LIMK1: variants seen among roughly 807,000 people sequenced by gnomAD.
LIMK1 encodes the protein LIM motif-containing protein kinase.
LIMK1 carries 21 observed loss-of-function variants against 77.6 expected under a neutral mutation model. That is an observed-to-expected ratio of 0.27 (90% CI 0.19 to 0.39). The LOEUF is 0.39. Among genes scored for constraint, LIMK1 ranks in the 10% least tolerant of loss-of-function variants. The pLI, the probability that LIMK1 is intolerant of heterozygous loss-of-function variation, is 1.00. For synonymous variants in LIMK1, 358 were observed against 370.0 expected (o/e 0.97, Z 0.37); for missense variants, 696 against 901.6 (o/e 0.77, Z 2.92).
chr7:74,112,038 A>G (rs1437121734), intron 12 of LIMK1, 40 bp downstream of exon 12: 9 of 1,500,160 alleles, frequency 6.0e-6, no homozygotes, highest in Non-Finnish European at 7.3e-6. Context: ...GTCAGGAGAC[A>G]GCAGGAGCCC....
At chr7:74,096,904 T>C in intron 3 of LIMK1, 144 bp downstream of exon 3, 1 of 1,198,572 alleles carries the variant, frequency 8.3e-7, no homozygotes, top group Non-Finnish European at 1.2e-6. Flanking sequence ...ACTGTCTGTC[T>C]GTATCCCTCA....
intron 12 of LIMK1, among the ~76,000 whole-genome samples, chr7:74,114,914 C>T (rs1423037742): frequency 5.7e-5 from 4 of 69,894 alleles, no homozygotes; most frequent in African/African-American, 2.2e-4. Flanking sequence ...GACTCCAACT[C>T]AAAAAAAAAA....
rs1457934021 is a variant in LIMK1 at position 74,101,731 on chromosome 7, C to T, written c.608+2493C>T. Among the ~76,000 whole-genome samples, 6 of 152,080 alleles carry T rather than the reference C, an allele frequency of 3.9e-5. 1 individual carries two copies. The highest frequency in any genetic ancestry group is 1.4e-4 in the African/African-American group (6 of 41,460). On this transcript the variant is annotated intron_variant, in intron 5 of 15. Coordinates refer to ENST00000336180, the MANE Select transcript of LIMK1 (RefSeq NM_002314.4). ...GCGTTTTAAGGAAGGTCTAATTTAT[C>T]CAGGCCACCTGCTGCTTTAGCAAAC... is the stretch of plus-strand genomic sequence containing the variant.
intron 5 of LIMK1, among the ~76,000 whole-genome samples, chr7:74,103,459 T>C (rs1238517337): frequency 2.6e-5 from 4 of 152,196 alleles, no homozygotes; most frequent in Non-Finnish European, 5.9e-5. Context: ...TGATACTGCA[T>C]AAGTGATCCT....
rs782776451 is a variant in LIMK1, at chr7:74,121,275, C to G, written c.1918C>G (p.Pro640Ala). The change falls in exon 16 of 16, where the codon CCT becomes GCT. Residue 640 changes from proline to alanine, a missense_variant. Transcript: ENST00000336180. ...CTACCGGCGCGGCGAGAGCGGACTG[C>G]CTGCCCACCCTGAGGTCCCCGACTG... Reference protein sequence around the residue: ...ETYRRGESGLPAHPEVPD With the variant: ...ETYRRGESGLAAHPEVPD The G allele has an allele frequency of 1.9e-6, 3 of 1,606,828 alleles. No homozygotes were observed. The highest frequency in any genetic ancestry group is 2.5e-6 in the Non-Finnish European group (3 of 1,177,886).
At chr7:74,116,307 G>A (rs1396062794) in intron 13 of LIMK1, among the ~76,000 whole-genome samples, 3 of 151,976 alleles carry the variant, frequency 2.0e-5, no homozygotes, top group African/African-American at 7.2e-5. Context: ...CCAGCTACTA[G>A]GGAAGCTGAG....
At position 74,122,156 on chromosome 7, in the gene LIMK1, C is replaced by G. The variant is rs782645400; in HGVS notation, c.*855C>G. On this transcript the variant is annotated 3_prime_UTR_variant, in exon 16 of 16. Coordinates refer to ENST00000336180, the MANE Select transcript of LIMK1 (RefSeq NM_002314.4). Reference sequence around the variant, plus strand: ...CAGAGCCCCTTCCCGGGCCTCTCCCCCAAGGCTCCCTGCCCCTCCTCATGC... The same window carrying G: ...CAGAGCCCCTTCCCGGGCCTCTCCCGCAAGGCTCCCTGCCCCTCCTCATGC... 2 of 152,878 alleles carry G rather than the reference C, an allele frequency of 1.3e-5. No homozygotes were observed. The highest frequency in any genetic ancestry group is 4.1e-4 in the South Asian group (2 of 4,824). 9.5% of individuals were successfully genotyped at this position (152,878 alleles called of 1,614,324 possible).
chr7:74,105,388 C>T (rs1458790498), intron 5 of LIMK1, among the ~76,000 whole-genome samples: 1 of 151,994 alleles, frequency 6.6e-6, no homozygotes, highest in Non-Finnish European at 1.5e-5. Context: ...TGGTGTGCAC[C>T]TGTAATCCCA....
At chr7:74,105,499 T>C (rs1554697205) in intron 5 of LIMK1, among the ~76,000 whole-genome samples, 1 of 138,210 alleles carries the variant, frequency 7.2e-6, no homozygotes, top group African/African-American at 2.7e-5. Context: ...GGTAACAGAG[T>C]GAGATTCTGT....
intron 1 of LIMK1, among the ~76,000 whole-genome samples, chr7:74,085,191 C>T (rs1350019130): frequency 3.3e-5 from 5 of 152,266 alleles, no homozygotes; most frequent in Middle Eastern, 3.4e-3. Context: ...TCTGGGAGTA[C>T]CCAGGTCTGC....
intron 1 of LIMK1, 39 bp downstream of exon 1, chr7:74,084,084 G>T: frequency 7.9e-7 from 1 of 1,269,750 alleles, no homozygotes; most frequent in East Asian, 3.1e-5. Context: ...GGCCTGGAGG[G>T]GGTGCCCGGG....
At chr7:74,104,797 C>T (rs782297972) in intron 5 of LIMK1, among the ~76,000 whole-genome samples, 1 of 152,200 alleles carries the variant, frequency 6.6e-6, no homozygotes, top group Non-Finnish European at 1.5e-5. Context: ...TGCCAGCTCC[C>T]TCCTGCCAAT....
intron 5 of LIMK1, among the ~76,000 whole-genome samples, chr7:74,104,055 A>G (rs1442691362): frequency 2.6e-5 from 4 of 151,900 alleles, no homozygotes; most frequent in African/African-American, 9.7e-5. Flanking sequence ...AGCCTCCCAA[A>G]TAGCTGGGAT....
rs903827365 is a variant in LIMK1 at position 74,106,385 on chromosome 7, T to C, written c.881+142T>C. On this transcript the variant is annotated intron_variant, in intron 7 of 15. Transcript: ENST00000336180. ...GGGAGGTGGAGGCTGCAGTAAGCTG[T>C]CATCACACCACTGCTCTCCAGCTTG... 8.6e-5 allele frequency: 72 copies of C among 840,570 alleles called. No individual in the cohort carries two copies. The Middle Eastern group carries it at 1.5e-3, about 17-fold the overall frequency. The allele number at this position is 840,570 out of a possible 1,614,324, so 52.1% of individuals were successfully genotyped here.
intron 2 of LIMK1, among the ~76,000 whole-genome samples, chr7:74,090,758 G>T (rs1260942247): frequency 6.6e-6 from 1 of 152,202 alleles, no homozygotes; most frequent in Non-Finnish European, 1.5e-5. Context: ...AGCCCCACTG[G>T]GGAGGTGGCC....
Position 74,096,544 on chromosome 7 carries a change from G to T in LIMK1, c.153-78G>T, listed in dbSNP as rs1288585131. On this transcript the variant is annotated intron_variant, in intron 2 of 15. Transcript: ENST00000336180. ...AACTTGTTCTAATTCTTACAAAGGT[G>T]CCTGTAGCCGAGGCAGGGGCCCAGG... 1.3e-5 allele frequency: 20 copies of T among 1,565,706 alleles called. No individual in the cohort carries two copies. The East Asian group carries it at 3.8e-4, about 30-fold the overall frequency.
chr7:74,098,547 G>A (rs1488662737), intron 4 of LIMK1, among the ~76,000 whole-genome samples: 1 of 152,162 alleles, frequency 6.6e-6, no homozygotes, highest in African/African-American at 2.4e-5. Context: ...CATAGGAAGA[G>A]TGAAAGAAAA....
Position 74,099,743 on chromosome 7 carries a change from A to T in LIMK1, c.608+505A>T, listed in dbSNP as rs73146839. ...AACTCTGTATCAAAAAAATAAAAATAAAAAAAACACACTCAAAAAATAAAA... is the reference window on the plus strand; with the variant it reads ...AACTCTGTATCAAAAAAATAAAAATTAAAAAAACACACTCAAAAAATAAAA... On this transcript the variant is annotated intron_variant, in intron 5 of 15. Transcript: ENST00000336180. Among the ~76,000 whole-genome samples the T allele has an allele frequency of 6.6e-3, 1,002 of 152,004 alleles. 4 individuals carry two copies. The highest frequency in any genetic ancestry group is 0.01 in the Non-Finnish European group (680 of 67,952).
chr7:74,116,561 G>A (rs1432268940), intron 13 of LIMK1, among the ~76,000 whole-genome samples: 5 of 152,068 alleles, frequency 3.3e-5, no homozygotes, highest in Admixed American at 1.3e-4. Flanking sequence ...CCTGTTTCCT[G>A]ACCTTTTCTG....
Sources: gnomAD v4.1 joint callset for allele counts (sites outside exome capture counted in the v4.1 genomes callset) on GRCh38, gnomAD v4.1.1 for gene constraint, MANE v1.5 for transcripts, NCBI Gene and HGNC (gene_info 2026-07-23, HGNC 2026-07-21) for gene names.